CHCHD6: variants seen among roughly 807,000 people sequenced by gnomAD.
CHCHD6 encodes the protein MICOS complex subunit MIC25.
In CHCHD6, 28 loss-of-function variants were observed where a neutral mutation model predicts 32.3. The observed-to-expected ratio is 0.87, with a 90% CI of 0.64 to 1.19. CHCHD6 has a LOEUF of 1.19. Ranked by LOEUF, CHCHD6 falls within the 50% of genes most tolerant of loss-of-function variation. The pLI is 0.00. For missense variants in CHCHD6, 333 were observed against 307.0 expected, an observed-to-expected ratio of 1.08 and a Z score of -0.63; for synonymous variants, 122 against 117.5, an observed-to-expected ratio of 1.04 and a Z score of -0.25.
intron 6 of CHCHD6, among the ~76,000 whole-genome samples, chr3:126,929,528 T>A (rs909266160): frequency 6.6e-6 from 1 of 151,898 alleles, no homozygotes; most frequent in Non-Finnish European, 1.5e-5. Flanking sequence ...CATAGAACGA[T>A]TATTTGAATA....
intron 4 of CHCHD6, among the ~76,000 whole-genome samples, chr3:126,753,608 T>C (rs1380619253): frequency 6.6e-6 from 1 of 152,252 alleles, no homozygotes; most frequent in African/African-American, 2.4e-5. Context: ...CAGATAAAGA[T>C]CAGTGTCCTG....
chr3:126,881,196 A>T (rs761508048), intron 5 of CHCHD6, among the ~76,000 whole-genome samples: 1 of 152,246 alleles, frequency 6.6e-6, no homozygotes, highest in Non-Finnish European at 1.5e-5. Flanking sequence ...TAGGCCTCCC[A>T]GGCTTGCTCT....
intron 5 of CHCHD6, among the ~76,000 whole-genome samples, chr3:126,861,531 C>A (rs1032293872): frequency 6.6e-6 from 1 of 151,564 alleles, no homozygotes; most frequent in East Asian, 1.9e-4. Flanking sequence ...CCACTACCAA[C>A]ACCACCACCA....
intron 5 of CHCHD6, among the ~76,000 whole-genome samples, chr3:126,874,412 A>C (rs1342237917): frequency 6.6e-6 from 1 of 152,192 alleles, no homozygotes; most frequent in African/African-American, 2.4e-5. Flanking sequence ...ACGTCTGGGC[A>C]GGGAGAGGGC....
intron 6 of CHCHD6, among the ~76,000 whole-genome samples, chr3:126,920,792 C>T (rs929976520): frequency 4.6e-5 from 7 of 152,196 alleles, no homozygotes; most frequent in Non-Finnish European, 8.8e-5. Context: ...ATTTGCCTGA[C>T]ATTCACCCTG....
intron 6 of CHCHD6, among the ~76,000 whole-genome samples, chr3:126,936,619 A>G (rs989321968): frequency 6.6e-6 from 1 of 152,146 alleles, no homozygotes; most frequent in Non-Finnish European, 1.5e-5. Context: ...GCAGTGGTGC[A>G]ATCTCAGCTC....
At chr3:126,830,313 G>A (rs1940586741) in intron 4 of CHCHD6, among the ~76,000 whole-genome samples, 1 of 152,160 alleles carries the variant, frequency 6.6e-6, no homozygotes, top group African/African-American at 2.4e-5. Context: ...AAGACTAAAA[G>A]GAGGCCTCTG....
At chr3:126,725,182 A>G (rs1213610973) in intron 1 of CHCHD6, among the ~76,000 whole-genome samples, 1 of 152,196 alleles carries the variant, frequency 6.6e-6, no homozygotes, top group East Asian at 1.9e-4. Context: ...TAAGCTTATA[A>G]ATGAATTTCT....
chr3:126,704,452 G>T, intron 1 of CHCHD6, 53 bp downstream of exon 1: 2 of 1,199,832 alleles, frequency 1.7e-6, no homozygotes, highest in African/African-American at 1.6e-5. Flanking sequence ...GGCGCGGGGG[G>T]GAGGTGCGGG....
intron 6 of CHCHD6, among the ~76,000 whole-genome samples, chr3:126,953,497 G>C (rs1290300150): frequency 6.6e-6 from 1 of 152,142 alleles, no homozygotes; most frequent in Non-Finnish European, 1.5e-5. Context: ...CAGCCTTTCT[G>C]CAAGCTCACC....
chr3:126,896,343 A>G (rs1304318396), intron 5 of CHCHD6, among the ~76,000 whole-genome samples: 3 of 152,162 alleles, frequency 2.0e-5, no homozygotes, highest in Non-Finnish European at 2.9e-5. Context: ...AGATTGGGGT[A>G]GTCTTCTCAA....
rs1160360310 is a variant in CHCHD6 at position 126,848,535 on chromosome 3, A to G, written c.412-4112A>G. The stretch of plus-strand genomic sequence containing the variant: ...GATATCTGATGATGTTAAAGAATTC[A>G]TGTTAAATTATTTTTGGTATGCAAT... On this transcript the variant is annotated intron_variant, in intron 4 of 7. Transcript: ENST00000290913. Among the ~76,000 whole-genome samples, 7 of 152,334 alleles carry G rather than the reference A, an allele frequency of 4.6e-5. No homozygotes were observed. In the East Asian group the frequency reaches 1.4e-3, roughly 29 times the overall value.
At chr3:126,917,122 TA>T (rs2078182965) in intron 6 of CHCHD6, among the ~76,000 whole-genome samples, 1 of 152,242 alleles carries the variant, frequency 6.6e-6, no homozygotes, top group Admixed American at 6.5e-5. Flanking sequence ...GATGTGAATG[TA>T]TTTTTAATCT....
chr3:126,711,733 G>C (rs1465465551), intron 1 of CHCHD6, among the ~76,000 whole-genome samples: 3 of 152,230 alleles, frequency 2.0e-5, no homozygotes, highest in African/African-American at 4.8e-5. Context: ...GTCTTCCACA[G>C]CTGTAAAGCT....
intron 6 of CHCHD6, among the ~76,000 whole-genome samples, chr3:126,942,750 T>C (rs2078578615): frequency 6.6e-6 from 1 of 152,120 alleles, no homozygotes; most frequent in Non-Finnish European, 1.5e-5. Flanking sequence ...TGCTCTGGGA[T>C]CTGAGCTCCG....
At chr3:126,929,136 G>A (rs957702255) in intron 6 of CHCHD6, among the ~76,000 whole-genome samples, 18 of 152,188 alleles carry the variant, frequency 1.2e-4, no homozygotes, top group African/African-American at 3.4e-4. Context: ...TATGTCCCCC[G>A]TGTCTTCCTT....
chr3:126,843,047 A>G (rs942003846), intron 4 of CHCHD6, among the ~76,000 whole-genome samples: 1 of 151,936 alleles, frequency 6.6e-6, no homozygotes, highest in African/African-American at 2.4e-5. Flanking sequence ...ATGATATTAT[A>G]TATAGATTTT....
chr3:126,860,385 G>A (rs1941815889), intron 5 of CHCHD6, among the ~76,000 whole-genome samples: 1 of 151,840 alleles, frequency 6.6e-6, no homozygotes, highest in Admixed American at 6.6e-5. Flanking sequence ...TCACAGGTGG[G>A]AATTGACAAT....
intron 5 of CHCHD6, among the ~76,000 whole-genome samples, chr3:126,903,339 C>T (rs539788002): frequency 2.6e-5 from 4 of 152,300 alleles, no homozygotes; most frequent in African/African-American, 4.8e-5. Flanking sequence ...CAGGGCATAA[C>T]GTTGTCCCTT....
Sources: gnomAD v4.1 joint callset for allele counts (sites outside exome capture counted in the v4.1 genomes callset) on GRCh38, gnomAD v4.1.1 for gene constraint, MANE v1.5 for transcripts, NCBI Gene and HGNC (gene_info 2026-07-23, HGNC 2026-07-21) for gene names.